Variants in CPQ observed in about 807,000 individuals in gnomAD.
The protein encoded by CPQ is Ser-Met dipeptidase.
A neutral mutation model predicts 45.7 loss-of-function variants in CPQ; 37 were observed. The ratio of observed to expected loss-of-function variants is 0.81; its 90% CI spans 0.62 to 1.07. The LOEUF is 1.07. Ranked by LOEUF, CPQ falls within the 50% of genes least tolerant of loss-of-function variation. CPQ has a pLI of 0.00. For synonymous variants in CPQ, 186 were observed against 205.8 expected, an observed-to-expected ratio of 0.90 and a Z score of 0.82; for missense variants, 537 against 572.9, an observed-to-expected ratio of 0.94 and a Z score of 0.64.
intron 3 of CPQ, among the ~76,000 whole-genome samples, chr8:96,837,152 A>G (rs1459160648): frequency 6.6e-6 from 1 of 152,188 alleles, no homozygotes; most frequent in African/African-American, 2.4e-5. Flanking sequence ...ACATATTAAC[A>G]TGTTTAAGTT....
chr8:96,825,103 G>A (rs1044312324), intron 2 of CPQ, among the ~76,000 whole-genome samples: 2 of 151,982 alleles, frequency 1.3e-5, no homozygotes, highest in African/African-American at 2.4e-5. Flanking sequence ...AGGTCTGGGG[G>A]TGGAATGGCC....
intron 3 of CPQ, among the ~76,000 whole-genome samples, chr8:96,859,909 G>A (rs992235085): frequency 6.6e-6 from 1 of 152,032 alleles, no homozygotes; most frequent in Non-Finnish European, 1.5e-5. Flanking sequence ...ACTAATATCT[G>A]GAATTTCTGG....
At chr8:97,009,775 C>A (rs1809449367) in intron 5 of CPQ, among the ~76,000 whole-genome samples, 1 of 152,064 alleles carries the variant, frequency 6.6e-6, no homozygotes. Flanking sequence ...TAGAAGGTGA[C>A]AATTTTATCC....
intron 4 of CPQ, among the ~76,000 whole-genome samples, chr8:96,932,819 T>C (rs1039487334): frequency 1.3e-5 from 2 of 152,038 alleles, no homozygotes; most frequent in Non-Finnish European, 2.9e-5. Context: ...TCTAGGAGAG[T>C]GCTTGATTCT....
At chr8:97,080,907 C>CCCTTCTTTCCTTCCTTCCTTCCTTCTTT (rs1563574992) in intron 7 of CPQ, among the ~76,000 whole-genome samples, 2 of 139,752 alleles carry the variant, frequency 1.4e-5, no homozygotes, top group East Asian at 4.3e-4. Context: ...TTAGTACCCA[C>CCCTTCTTTCCTTCCTTCCTTCCTTCTTT]CCTTCTTTCC....
chr8:96,985,707 T>C (rs2130395339), intron 5 of CPQ, among the ~76,000 whole-genome samples: 1 of 152,310 alleles, frequency 6.6e-6, no homozygotes, highest in African/African-American at 2.4e-5. Flanking sequence ...ATTTTAACCT[T>C]TTGTGTGTGT....
intron 3 of CPQ, among the ~76,000 whole-genome samples, chr8:96,840,722 TCAG>T (rs1305316090): frequency 5.9e-5 from 9 of 152,118 alleles, no homozygotes; most frequent in African/African-American, 1.9e-4. Flanking sequence ...TGGAAAGAAA[TCAG>T]CAGGAGGCAT....
chr8:97,043,014 G>C (rs1810159615), intron 6 of CPQ, among the ~76,000 whole-genome samples: 1 of 150,632 alleles, frequency 6.6e-6, no homozygotes, highest in South Asian at 2.1e-4. Flanking sequence ...GCTTGGTGCA[G>C]AGCTGAGTTC....
chr8:97,013,599 T>C (rs1307723622), intron 5 of CPQ, among the ~76,000 whole-genome samples: 1 of 152,054 alleles, frequency 6.6e-6, no homozygotes, highest in Non-Finnish European at 1.5e-5. Flanking sequence ...AGTTGAGATA[T>C]GCATAAGTTG....
intron 4 of CPQ, among the ~76,000 whole-genome samples, chr8:96,890,025 G>A (rs937728248): frequency 6.6e-6 from 1 of 152,102 alleles, no homozygotes; most frequent in Non-Finnish European, 1.5e-5. Flanking sequence ...TTGTCAACTT[G>A]AACCCATACA....
chr8:96,967,920 T>C (rs1475380216), intron 5 of CPQ, among the ~76,000 whole-genome samples: 1 of 152,160 alleles, frequency 6.6e-6, no homozygotes, highest in Non-Finnish European at 1.5e-5. Context: ...TAAAGTTGCT[T>C]TGAAAATTAA....
intron 1 of CPQ, among the ~76,000 whole-genome samples, chr8:96,705,231 A>T (rs957952872): frequency 1.3e-5 from 2 of 152,166 alleles, no homozygotes; most frequent in Non-Finnish European, 2.9e-5. Flanking sequence ...CCATATTTTA[A>T]TCACTTATTT....
intron 4 of CPQ, among the ~76,000 whole-genome samples, chr8:96,884,173 A>G (rs1371531208): frequency 2.6e-5 from 4 of 152,196 alleles, no homozygotes; most frequent in Non-Finnish European, 5.9e-5. Flanking sequence ...ATCTAACAGC[A>G]AAGTTATAAA....
intron 4 of CPQ, among the ~76,000 whole-genome samples, chr8:96,932,381 A>G (rs1043106682): frequency 6.6e-6 from 1 of 152,236 alleles, no homozygotes; most frequent in African/African-American, 2.4e-5. Flanking sequence ...AACTTTAAAC[A>G]AGCAGCATCA....
chr8:96,926,585 T>TTCTTCTTCTTCC, intron 4 of CPQ, among the ~76,000 whole-genome samples: 1 of 139,336 alleles, frequency 7.2e-6, no homozygotes, highest in African/African-American at 2.9e-5. Context: ...CCTCTTCTTC[T>TTCTTCTTCTTCC]TCTTCTTCTT....
intron 4 of CPQ, among the ~76,000 whole-genome samples, chr8:96,896,375 T>A (rs1036526423): frequency 2.0e-5 from 3 of 152,148 alleles, no homozygotes; most frequent in African/African-American, 7.2e-5. Context: ...GATGATATAC[T>A]GGTCATACCT....
At chr8:96,867,088 C>T (rs1397224144) in intron 3 of CPQ, among the ~76,000 whole-genome samples, 1 of 152,088 alleles carries the variant, frequency 6.6e-6, no homozygotes, top group Non-Finnish European at 1.5e-5. Flanking sequence ...CCTGTTTTCT[C>T]CAAGACATGT....
intron 2 of CPQ, among the ~76,000 whole-genome samples, chr8:96,815,664 T>G (rs1227312313): frequency 1.3e-5 from 2 of 152,178 alleles, no homozygotes; most frequent in Non-Finnish European, 2.9e-5. Flanking sequence ...AATTATGTAT[T>G]TACATTTTAA....
intron 4 of CPQ, among the ~76,000 whole-genome samples, chr8:96,942,971 C>A (rs944810583): frequency 6.6e-6 from 1 of 152,148 alleles, no homozygotes; most frequent in Non-Finnish European, 1.5e-5. Context: ...CTATGATGTA[C>A]TTATAGCTAA....
Sources: allele counts gnomAD v4.1 joint callset (sites outside exome capture counted in the v4.1 genomes callset), GRCh38; gene constraint gnomAD v4.1.1; transcripts MANE v1.5; gene names NCBI Gene and HGNC (gene_info 2026-07-23, HGNC 2026-07-21).